SCARA3: variants seen among roughly 807,000 people sequenced by gnomAD.
SCARA3 encodes the protein cellular stress response gene protein.
Under a neutral mutation model 47.0 loss-of-function variants are expected in SCARA3, and 39 were observed. The ratio of observed to expected loss-of-function variants is 0.83; its 90% CI spans 0.64 to 1.08. The LOEUF is 1.08. SCARA3 is among the 50% of genes least tolerant of loss of function. The pLI is 0.00. For missense variants in SCARA3, 724 were observed against 792.3 expected (o/e 0.91, Z 1.04); for synonymous variants, 356 against 334.1 (o/e 1.07, Z -0.71).
the SCARA3 span, among the ~76,000 whole-genome samples, chr8:27,715,824 TGATAGATA>T: frequency 0.01 from 1,205 of 118,956 alleles, 12 homozygotes; most frequent in African/African-American, 0.031. This position sits in a 1 kb window ranked among gnomAD's most constrained non-coding sequence, Gnocchi z 4.2. Context: ...GATAGATAGA[TGATAGATA>T]GATAGATAGA....
At chr8:27,717,034 G>C in the SCARA3 span, among the ~76,000 whole-genome samples, 15 of 152,106 alleles carry the variant, frequency 9.9e-5, no homozygotes. Context: ...AAAGACTGGG[G>C]TGTAATCCTA....
At chr8:27,731,152 T>C in the SCARA3 span, among the ~76,000 whole-genome samples, 2 of 149,364 alleles carry the variant, frequency 1.3e-5, no homozygotes, top group African/African-American at 4.9e-5. Flanking sequence ...CAGGCTGGAG[T>C]GCAGTGGTGC....
At position 27,671,302 on chromosome 8, in the gene SCARA3, CT is replaced by C. The variant is rs1417255685; in HGVS notation, c.1773del (p.Gly592ValfsTer72). 2.8e-6 allele frequency: 4 copies of C among 1,436,198 alleles called. No individual in the cohort carries two copies. The highest frequency in any genetic ancestry group is 9.1e-7 in the Non-Finnish European group (1 of 1,094,118). 89.0% of individuals were successfully genotyped at this position (1,436,198 alleles called of 1,614,324 possible). On this transcript the variant is annotated frameshift_variant, in exon 6 of 6. Transcript: ENST00000301904. LOFTEE classifies it high-confidence loss of function. ...GGTGAACCAGGGATCCAGGGTCCCC[CT>C]GGTCTCCCGGGGCCTCCAGGTCCAC... is the stretch of plus-strand genomic sequence containing the variant. The part of the protein sequence containing the change: ...PKGEPGIQGP[P>X]GLPGPPGPPG...
At position 27,671,265 on chromosome 8, in the gene SCARA3, A is replaced by G. The variant is rs991823491; in HGVS notation, c.1735A>G (p.Met579Val). The G allele has an allele frequency of 1.4e-5, 21 of 1,479,056 alleles. No homozygotes were observed. Among genetic ancestry groups the G allele is most frequent in the African/African-American group, 1.1e-4 (8 of 69,992 alleles). 91.6% of individuals were successfully genotyped at this position (1,479,056 alleles called of 1,614,324 possible). The stretch of plus-strand genomic sequence containing the variant: ...AGGGTCACCAGGCCAGCGGGGGGCC[A>G]TGGGGCCTAAGGGTGAACCAGGGAT... ...KTGSPGQRGA[M>V]GPKGEPGIQG... The change falls in exon 6 of 6, where the codon ATG (methionine) becomes GTG (valine). Residue 579 changes from methionine (M) to valine (V), a missense_variant. Met to Val is a conservative substitution (Grantham distance 21). Transcript: ENST00000301904.
At chr8:27,687,800 T>C in the SCARA3 span, among the ~76,000 whole-genome samples, 2 of 151,954 alleles carry the variant, frequency 1.3e-5, no homozygotes, top group Non-Finnish European at 2.9e-5. Flanking sequence ...GTGGATCTCC[T>C]GAGGTCAGGA....
chr8:27,730,814 C>T, the SCARA3 span, among the ~76,000 whole-genome samples: 3 of 151,872 alleles, frequency 2.0e-5, no homozygotes, highest in Non-Finnish European at 2.9e-5. Context: ...AAAAAGGTAA[C>T]GCTGATTGGC....
chr8:27,723,389 C>T, the SCARA3 span, among the ~76,000 whole-genome samples: 1 of 152,202 alleles, frequency 6.6e-6, no homozygotes, highest in Non-Finnish European at 1.5e-5. Context: ...CTACCACTTC[C>T]TTTTGGCAAC....
intron 5 of SCARA3, among the ~76,000 whole-genome samples, chr8:27,663,884 A>C (rs999209744): frequency 2.6e-5 from 4 of 152,202 alleles, no homozygotes; most frequent in Non-Finnish European, 5.9e-5. Flanking sequence ...GCCCCACTCA[A>C]ACAAGAAGCT....
At chr8:27,660,094 A>G (rs189273786) in intron 5 of SCARA3, among the ~76,000 whole-genome samples, 1 of 151,386 alleles carries the variant, frequency 6.6e-6, no homozygotes, top group Admixed American at 6.6e-5. Flanking sequence ...GCTCCCAACC[A>G]CCCAACCCTC....
In SCARA3 at chr8:27,672,927, T is replaced by G. The variant is rs2128924570; in HGVS notation, c.*1576T>G. 2.0e-6 allele frequency: 2 copies of G among 985,584 alleles called. No homozygotes were observed. The highest frequency in any genetic ancestry group is 2.4e-6 in the Non-Finnish European group (2 of 830,010). 61.1% of individuals were successfully genotyped at this position (985,584 alleles called of 1,614,324 possible). ...TCCTGGATGTGCAACTGGTTTGCACTGCACACCCCACGGCCATGTAACTCT... is the reference window on the plus strand; with the variant it reads ...TCCTGGATGTGCAACTGGTTTGCACGGCACACCCCACGGCCATGTAACTCT... On this transcript the variant is annotated 3_prime_UTR_variant, in exon 6 of 6. Coordinates refer to ENST00000301904, the MANE Select transcript of SCARA3 (RefSeq NM_016240.3).
the SCARA3 span, among the ~76,000 whole-genome samples, chr8:27,685,740 C>CA: frequency 1.3e-5 from 2 of 151,912 alleles, no homozygotes; most frequent in Non-Finnish European, 2.9e-5. Context: ...GTTGATTTGT[C>CA]AAAAAAAGAA....
the SCARA3 span, among the ~76,000 whole-genome samples, chr8:27,696,510 C>T: frequency 2.2e-4 from 33 of 152,098 alleles, no homozygotes; most frequent in Admixed American, 7.9e-4. Context: ...GGCTGGAGTG[C>T]AGTGACAAGG....
At chr8:27,651,756 G>A in intron 3 of SCARA3, 129 bp downstream of exon 3, 1 of 1,299,002 alleles carries the variant, frequency 7.7e-7, no homozygotes, top group South Asian at 1.4e-5. Flanking sequence ...CATCTTCCTG[G>A]CTAGGGGATC....
intron 5 of SCARA3, among the ~76,000 whole-genome samples, chr8:27,663,009 C>T (rs35838266): frequency 0.048 from 7,311 of 152,282 alleles, 275 homozygotes; most frequent in Admixed American, 0.12. Context: ...TGGAGAGGCC[C>T]GTCCACAGAC....
intron 1 of SCARA3, among the ~76,000 whole-genome samples, chr8:27,646,420 C>T (rs1050350378): frequency 3.9e-5 from 6 of 152,168 alleles, no homozygotes; most frequent in African/African-American, 1.4e-4. Flanking sequence ...CTGGTGTCAG[C>T]CTTGCTTGAT....
At chr8:27,650,477 G>C (rs1468047895) in intron 2 of SCARA3, among the ~76,000 whole-genome samples, 1 of 152,198 alleles carries the variant, frequency 6.6e-6, no homozygotes, top group Non-Finnish European at 1.5e-5. Flanking sequence ...TGGGGTCTCA[G>C]TGACTTTGGT....
the SCARA3 span, among the ~76,000 whole-genome samples, chr8:27,710,296 G>A: frequency 9.9e-5 from 15 of 150,876 alleles, no homozygotes; most frequent in African/African-American, 3.4e-4. Flanking sequence ...GCTCCTTTTC[G>A]CAATATCTTT....
chr8:27,727,140 G>A, the SCARA3 span, among the ~76,000 whole-genome samples: 1 of 152,064 alleles, frequency 6.6e-6, no homozygotes, highest in African/African-American at 2.4e-5. Context: ...TCGAACTCCT[G>A]GGCTCAAATG....
chr8:27,722,095 G>T, the SCARA3 span, among the ~76,000 whole-genome samples: 2 of 152,080 alleles, frequency 1.3e-5, no homozygotes, highest in Non-Finnish European at 2.9e-5. Context: ...GTCTCTAAAT[G>T]AAATGAAATA....
Sources: allele counts gnomAD v4.1 joint callset (sites outside exome capture counted in the v4.1 genomes callset), GRCh38; gene constraint gnomAD v4.1.1; non-coding constraint Gnocchi (gnomAD v3.1); transcripts MANE v1.5; gene names NCBI Gene and HGNC (gene_info 2026-07-23, HGNC 2026-07-21).